The following DNM3 variants were observed in gnomAD, a reference collection of about 807,000 sequenced individuals.
The protein encoded by DNM3 is dynamin 3, also known as dynamin-3.
A neutral mutation model predicts 101.6 loss-of-function variants in DNM3; 47 were observed. The observed-to-expected ratio is 0.46, with a 90% CI of 0.37 to 0.59. The LOEUF is 0.59. DNM3 is among the 20% of genes least tolerant of loss of function. The pLI is 0.00. For missense variants in DNM3, 849 were observed against 1,085.7 expected (o/e 0.78, Z 3.06); for synonymous variants, 385 against 387.9 (o/e 0.99, Z 0.09).
chr1:172,231,987 G>A (rs550177071), intron 14 of DNM3, among the ~76,000 whole-genome samples: 18 of 152,248 alleles, frequency 1.2e-4, no homozygotes, highest in African/African-American at 3.1e-4. Context: ...TGAAAGTGAC[G>A]GGGAGAATGG....
chr1:172,342,021 TTAGAG>T (rs1411655297), intron 17 of DNM3, among the ~76,000 whole-genome samples: 2 of 151,936 alleles, frequency 1.3e-5, no homozygotes, highest in African/African-American at 4.8e-5. Flanking sequence ...TCACTAATCA[TTAGAG>T]AAGAGAAATT....
At chr1:172,276,985 A>C (rs2063315645) in intron 15 of DNM3, among the ~76,000 whole-genome samples, 1 of 151,974 alleles carries the variant, frequency 6.6e-6, no homozygotes, top group African/African-American at 2.4e-5. Context: ...TGTTTTCTTT[A>C]AAAAAATATG....
intron 17 of DNM3, among the ~76,000 whole-genome samples, chr1:172,364,601 A>G (rs993179628): frequency 1.3e-5 from 2 of 151,900 alleles, no homozygotes; most frequent in African/African-American, 4.8e-5. Flanking sequence ...TAAAATAGCC[A>G]TAACAGAAAT....
At position 172,170,194 on chromosome 1, in the gene DNM3, T is replaced by C. The variant is rs183330600; in HGVS notation, c.1659+38906T>C. Among the ~76,000 whole-genome samples the C allele has an allele frequency of 1.4e-3, 214 of 152,072 alleles. 1 individual carries two copies. Among genetic ancestry groups the C allele is most frequent in the African/African-American group, 4.7e-3 (194 of 41,524 alleles). On this transcript the variant is annotated intron_variant, in intron 14 of 20. Coordinates refer to ENST00000627582, the MANE Select transcript of DNM3 (RefSeq NM_015569.5). Reference sequence around the variant, plus strand: ...TTTTAAATTCATATACATTGAACTTTAATATATGTTAAATACTTATTTTTA... The same window carrying C: ...TTTTAAATTCATATACATTGAACTTCAATATATGTTAAATACTTATTTTTA...
intron 11 of DNM3, among the ~76,000 whole-genome samples, chr1:172,078,445 C>CT (rs1163612701): frequency 0.01 from 1,480 of 144,170 alleles, 28 homozygotes; most frequent in African/African-American, 0.03. Flanking sequence ...TGCAACCCTG[C>CT]TTTTTTTTTT....
intron 13 of DNM3, among the ~76,000 whole-genome samples, chr1:172,104,022 C>A (rs2054837023): frequency 6.6e-6 from 1 of 152,072 alleles, no homozygotes; most frequent in Non-Finnish European, 1.5e-5. Context: ...TACAGACCAG[C>A]CTTATACCTA....
At chr1:172,346,215 T>G (rs1350977300) in intron 17 of DNM3, among the ~76,000 whole-genome samples, 1 of 151,220 alleles carries the variant, frequency 6.6e-6, no homozygotes, top group East Asian at 1.9e-4. Flanking sequence ...ACTTCAAAAG[T>G]AAGAATCAGG....
At chr1:172,081,551 C>G (rs1316633264) in intron 11 of DNM3, among the ~76,000 whole-genome samples, 1 of 152,102 alleles carries the variant, frequency 6.6e-6, no homozygotes, top group Non-Finnish European at 1.5e-5. Context: ...TCAAATAATT[C>G]TAGATTCTGT....
At chr1:171,933,480 A>G (rs2041186421) in intron 2 of DNM3, among the ~76,000 whole-genome samples, 1 of 152,232 alleles carries the variant, frequency 6.6e-6, no homozygotes, top group South Asian at 2.1e-4. Flanking sequence ...ACAAATACAC[A>G]GAATGTTAGG....
At chr1:171,950,537 A>C (rs977679732) in intron 2 of DNM3, among the ~76,000 whole-genome samples, 2 of 152,128 alleles carry the variant, frequency 1.3e-5, no homozygotes, top group African/African-American at 4.8e-5. Context: ...TTTGACTTAA[A>C]ATATTTTCAA....
intron 1 of DNM3, among the ~76,000 whole-genome samples, chr1:171,867,305 T>C (rs889594457): frequency 1.3e-5 from 2 of 152,216 alleles, no homozygotes; most frequent in Non-Finnish European, 2.9e-5. Context: ...GGTTAAGTAG[T>C]TGAGGAATAC....
chr1:172,073,378 TATATATGC>T (rs1233110914), intron 11 of DNM3, among the ~76,000 whole-genome samples: 1 of 152,048 alleles, frequency 6.6e-6, no homozygotes, highest in African/African-American at 2.4e-5. Flanking sequence ...TATTGAAACA[TATATATGC>T]ATATAGGTAT....
intron 1 of DNM3, among the ~76,000 whole-genome samples, chr1:171,875,698 C>G (rs973806396): frequency 1.3e-5 from 2 of 151,862 alleles, no homozygotes; most frequent in Non-Finnish European, 2.9e-5. Context: ...TAGTACCTAC[C>G]TTACTGCATT....
chr1:172,350,770 C>T (rs1484736821), intron 17 of DNM3, among the ~76,000 whole-genome samples: 1 of 152,126 alleles, frequency 6.6e-6, no homozygotes, highest in Non-Finnish European at 1.5e-5. Context: ...TGGAGGCAGG[C>T]AGCTGTTAAC....
chr1:172,000,330 A>G (rs1454443763), intron 4 of DNM3, among the ~76,000 whole-genome samples: 1 of 152,080 alleles, frequency 6.6e-6, no homozygotes, highest in Non-Finnish European at 1.5e-5. Context: ...CAGGTCAACC[A>G]GGCCTACTGC....
chr1:172,380,652 A>T (rs1041639879), intron 18 of DNM3: 4 of 152,114 alleles, frequency 2.6e-5, no homozygotes, highest in African/African-American at 4.8e-5. Flanking sequence ...GGTACCTCAC[A>T]GAGCCATCAG....
intron 1 of DNM3, among the ~76,000 whole-genome samples, chr1:171,898,991 C>T (rs761927946): frequency 6.6e-6 from 1 of 152,132 alleles, no homozygotes; most frequent in Non-Finnish European, 1.5e-5. Context: ...TTTGTAGGGC[C>T]GTAGTGTCCT....
At chr1:172,407,089 G>T (rs10489283) in intron 20 of DNM3, among the ~76,000 whole-genome samples, 3 of 151,788 alleles carry the variant, frequency 2.0e-5, no homozygotes, top group African/African-American at 4.8e-5. Flanking sequence ...TCTAAAGTAC[G>T]TTTGCTTAGT....
intron 14 of DNM3, among the ~76,000 whole-genome samples, chr1:172,147,986 T>C (rs1244186648): frequency 6.6e-6 from 1 of 152,100 alleles, no homozygotes; most frequent in East Asian, 1.9e-4. Context: ...TAGCTATTAT[T>C]ATCATCCCCA....
Sources: allele counts gnomAD v4.1 joint callset (sites outside exome capture counted in the v4.1 genomes callset), GRCh38; gene constraint gnomAD v4.1.1; transcripts MANE v1.5; gene names NCBI Gene and HGNC (gene_info 2026-07-23, HGNC 2026-07-21).